ACYP2: variants seen among roughly 807,000 people sequenced by gnomAD.
ACYP2 encodes the protein acylphosphatase-2.
A neutral mutation model predicts 11.2 loss-of-function variants in ACYP2; 12 were observed. That is an observed-to-expected ratio of 1.08 (90% confidence interval 0.69 to 1.74). The LOEUF (loss-of-function observed/expected upper bound fraction) is 1.74. ACYP2 is among the 40% of genes most tolerant of loss of function. ACYP2 has a pLI of 0.00. For missense variants in ACYP2, 134 were observed against 101.9 expected (o/e 1.31, Z -1.35); for synonymous variants, 43 against 32.2 (o/e 1.33, Z -1.13).
rs368999239 is a variant in ACYP2 at position 54,251,877 on chromosome 2, C to G, written c.405-52811C>G. 2.0e-4 allele frequency among the ~76,000 whole-genome samples: 30 copies of G among 152,318 alleles called. No homozygotes were observed. The East Asian group carries it at 3.1e-3, about 16-fold the overall frequency. Reference sequence around the variant, plus strand: ...ATAAAAGATTCAGATTCCCTATGTTCCCTACAGGAGTTCCTCTCCTGTAAC... The same window carrying G: ...ATAAAAGATTCAGATTCCCTATGTTGCCTACAGGAGTTCCTCTCCTGTAAC... On this transcript the variant is annotated intron_variant, in intron 6 of 6. Transcript: ENST00000607452.
rs987505741 is a variant in ACYP2 at position 54,170,397 on chromosome 2, C to T, written c.404+31649C>T. ...CGAACTCACAGCCTCAAGCAGTCTGCCTGCCTCCGCCTCCCAAAGTGCTGG... is the reference window on the plus strand; with the variant it reads ...CGAACTCACAGCCTCAAGCAGTCTGTCTGCCTCCGCCTCCCAAAGTGCTGG... On this transcript the variant is annotated intron_variant, in intron 6 of 6. Coordinates refer to ENST00000607452, the MANE Select transcript of ACYP2 (RefSeq NM_001320586.2). 2.6e-5 allele frequency among the ~76,000 whole-genome samples: 4 copies of T among 152,150 alleles called. No individual in the cohort carries two copies. In the South Asian group the frequency reaches 8.3e-4, roughly 32 times the overall value.
chr2:54,235,068 CTT>C (rs1225616252), intron 6 of ACYP2, among the ~76,000 whole-genome samples: 1 of 152,152 alleles, frequency 6.6e-6, no homozygotes, highest in Admixed American at 6.5e-5. Context: ...TTTCCATAAA[CTT>C]TTTGAAGACC....
chr2:54,180,220 C>G (rs958280500), intron 6 of ACYP2, among the ~76,000 whole-genome samples: 1 of 152,148 alleles, frequency 6.6e-6, no homozygotes, highest in Non-Finnish European at 1.5e-5. Context: ...TGGAAGTTCT[C>G]CAAACCCTGT....
chr2:54,271,737 C>T (rs1327856689), intron 6 of ACYP2, among the ~76,000 whole-genome samples: 1 of 151,994 alleles, frequency 6.6e-6, no homozygotes, highest in African/African-American at 2.4e-5. Context: ...CCCCTCCACC[C>T]TTTTTTGTGG....
chr2:54,201,680 T>TTCTTTCTTTCTTTCTTTCTTTCTCTCTC (rs1395606887), intron 6 of ACYP2, among the ~76,000 whole-genome samples: 2 of 107,364 alleles, frequency 1.9e-5, no homozygotes, highest in Non-Finnish European at 3.8e-5. Context: ...CTTTCTTTCT[T>TTCTTTCTTTCTTTCTTTCTTTCTCTCTC]TCTCTCTCTC....
At chr2:53,979,012 T>A (rs1671623958) in intron 2 of ACYP2, among the ~76,000 whole-genome samples, 1 of 152,156 alleles carries the variant, frequency 6.6e-6, no homozygotes, top group South Asian at 2.1e-4. Flanking sequence ...ATGTATTTGC[T>A]ATACTATACC....
intron 2 of ACYP2, among the ~76,000 whole-genome samples, chr2:54,019,132 T>A (rs1673856733): frequency 6.6e-6 from 1 of 151,718 alleles, no homozygotes; most frequent in Non-Finnish European, 1.5e-5. Flanking sequence ...GGTGGCACAA[T>A]CATGGCTCAC....
intron 6 of ACYP2, among the ~76,000 whole-genome samples, chr2:54,140,538 ACACACACACACTTG>A (rs994833085): frequency 4.6e-5 from 7 of 151,426 alleles, no homozygotes; most frequent in Admixed American, 2.0e-4. Flanking sequence ...TCACACACAC[ACACACACACACTTG>A]CACACACACA....
intron 4 of ACYP2, among the ~76,000 whole-genome samples, chr2:54,095,299 C>G (rs185180641): frequency 6.6e-5 from 10 of 152,242 alleles, no homozygotes; most frequent in Non-Finnish European, 1.0e-4. Flanking sequence ...TACACAGACA[C>G]GGCAACCATC....
At chr2:54,258,023 G>A (rs1045046207) in intron 6 of ACYP2, among the ~76,000 whole-genome samples, 2 of 152,156 alleles carry the variant, frequency 1.3e-5, no homozygotes, top group African/African-American at 2.4e-5. Context: ...TTCAACAAAT[G>A]TTTATTGGGT....
At chr2:54,266,595 T>A (rs1399482169) in intron 6 of ACYP2, among the ~76,000 whole-genome samples, 4 of 46,172 alleles carry the variant, frequency 8.7e-5, no homozygotes, top group African/African-American at 4.1e-4. Flanking sequence ...TCTATCTTTT[T>A]TTTTTTTTTT....
At chr2:54,263,203 G>A (rs147654466) in intron 6 of ACYP2, among the ~76,000 whole-genome samples, 659 of 152,264 alleles carry the variant, frequency 4.3e-3, no homozygotes, top group African/African-American at 0.011. Flanking sequence ...CAATCATGGC[G>A]GAAGGCAAAG....
intron 6 of ACYP2, among the ~76,000 whole-genome samples, chr2:54,148,594 G>T (rs983769089): frequency 6.6e-6 from 1 of 152,156 alleles, no homozygotes; most frequent in Non-Finnish European, 1.5e-5. Flanking sequence ...TCCCTGCAGA[G>T]AAATTGGGCT....
chr2:54,152,583 A>G (rs1254623395), intron 6 of ACYP2, among the ~76,000 whole-genome samples: 1 of 152,074 alleles, frequency 6.6e-6, no homozygotes, highest in Non-Finnish European at 1.5e-5. Context: ...CCTGACAACC[A>G]CTGATGTCTT....
At chr2:54,279,001 G>A (rs1688732700) in intron 6 of ACYP2, among the ~76,000 whole-genome samples, 2 of 152,170 alleles carry the variant, frequency 1.3e-5, no homozygotes, top group African/African-American at 4.8e-5. Context: ...ATGGAACAGA[G>A]AGAAGCTAAC....
intron 4 of ACYP2, among the ~76,000 whole-genome samples, chr2:54,059,638 T>G (rs1285837838): frequency 6.6e-6 from 1 of 152,228 alleles, no homozygotes; most frequent in African/African-American, 2.4e-5. Flanking sequence ...CTGTCTGGAC[T>G]GGTTGCTGTC....
intron 2 of ACYP2, among the ~76,000 whole-genome samples, chr2:54,023,154 ATTG>A (rs1368586560): frequency 3.3e-5 from 5 of 152,106 alleles, no homozygotes; most frequent in Admixed American, 2.6e-4. Context: ...CTTTCAAAGA[ATTG>A]TTGTTAATTT....
At position 54,159,368 on chromosome 2, in the gene ACYP2, G is replaced by A. The variant is rs906154561; in HGVS notation, c.404+20620G>A. Among the ~76,000 whole-genome samples the A allele has an allele frequency of 1.2e-4, 18 of 147,302 alleles. 1 individual carries two copies. Among genetic ancestry groups the A allele is most frequent in the Middle Eastern group, 3.6e-3 (1 of 278 alleles). ...CTTATATTGGATTATGACTTTTTAG[G>A]ATGCTTTTTTTTTTTTTTTTAATGA... On this transcript the variant is annotated intron_variant, in intron 6 of 6. Coordinates refer to ENST00000607452, the MANE Select transcript of ACYP2 (RefSeq NM_001320586.2).
intron 4 of ACYP2, among the ~76,000 whole-genome samples, chr2:54,117,762 A>C (rs1052107270): frequency 4.6e-5 from 7 of 152,016 alleles, no homozygotes; most frequent in African/African-American, 1.7e-4. Flanking sequence ...ATCTTTTTTT[A>C]ATTTAATTTT....
Sources: gnomAD v4.1 joint callset for allele counts (sites outside exome capture counted in the v4.1 genomes callset) on GRCh38, gnomAD v4.1.1 for gene constraint, MANE v1.5 for transcripts, NCBI Gene and HGNC (gene_info 2026-07-23, HGNC 2026-07-21) for gene names.